Variants in THNSL1 observed in about 807,000 individuals in gnomAD.
The protein encoded by THNSL1 is threonine synthase-like 1.
Under a neutral mutation model 50.4 loss-of-function variants are expected in THNSL1, and 48 were observed. The ratio of observed to expected loss-of-function variants is 0.95; its 90% CI spans 0.76 to 1.21. The LOEUF is 1.21. THNSL1 is among the 50% of genes most tolerant of loss of function. The pLI is 0.00. For synonymous variants in THNSL1, 309 were observed against 306.1 expected, an observed-to-expected ratio of 1.01 and a Z score of -0.10; for missense variants, 896 against 871.7, an observed-to-expected ratio of 1.03 and a Z score of -0.35.
rs773562732 is a variant in THNSL1 at position 25,023,986 on chromosome 10, G to A, written c.763G>A (p.Val255Ile). ...TTCAGCAAAATTCTTTAGTGAAGCT[G>A]TAATTGAGGGGTTGGCTTCTGATGG... Reference protein sequence around the residue: ...KVSAKFFSEAVIEGLASDGGL... With the variant: ...KVSAKFFSEAIIEGLASDGGL... Residue 255 changes from valine (V) to isoleucine (I), a missense_variant, in exon 3 of 3, where the codon GTA (valine) becomes ATA (isoleucine). Physicochemically the swap from Val to Ile is conservative, Grantham distance 29 (BLOSUM62 3). Transcript: ENST00000376356. 10 of 1,614,222 alleles carry A rather than the reference G, an allele frequency of 6.2e-6. No homozygotes were observed. In the South Asian group the frequency reaches 7.7e-5, roughly 12 times the overall value.
chr10:24,985,878 G>A, the THNSL1 span, among the ~76,000 whole-genome samples: 4 of 152,096 alleles, frequency 2.6e-5, no homozygotes, highest in Non-Finnish European at 5.9e-5. Context: ...GACCAGTGTG[G>A]GCAACATGGC....
intron 1 of THNSL1, among the ~76,000 whole-genome samples, chr10:25,020,016 A>G (rs1457064339): frequency 1.3e-5 from 2 of 152,194 alleles, no homozygotes; most frequent in East Asian, 3.9e-4. Flanking sequence ...TCTTTTCCTC[A>G]TTTGGTTGGT....
the THNSL1 span, among the ~76,000 whole-genome samples, chr10:24,963,299 T>C: frequency 6.6e-6 from 1 of 152,236 alleles, no homozygotes; most frequent in Admixed American, 6.5e-5. Context: ...CATATTACCT[T>C]TTGTATTCTG....
At chr10:25,006,833 T>C in the THNSL1 span, among the ~76,000 whole-genome samples, 1 of 152,220 alleles carries the variant, frequency 6.6e-6, no homozygotes, top group African/African-American at 2.4e-5. Context: ...GATTTGTGTC[T>C]CGATCTCAGC....
At chr10:24,999,526 G>T in the THNSL1 span, 1 of 1,609,292 alleles carries the variant, frequency 6.2e-7, no homozygotes, top group African/African-American at 1.3e-5. Flanking sequence ...TTTTACAGTT[G>T]CCTTAAAAAT....
the THNSL1 span, among the ~76,000 whole-genome samples, chr10:24,975,873 T>C: frequency 6.6e-6 from 1 of 152,224 alleles, no homozygotes; most frequent in African/African-American, 2.4e-5. Flanking sequence ...CAGAATCCTA[T>C]GAAAGATAAG....
the THNSL1 span, among the ~76,000 whole-genome samples, chr10:24,971,013 G>A: frequency 6.6e-6 from 1 of 152,194 alleles, no homozygotes; most frequent in African/African-American, 2.4e-5. Flanking sequence ...GACAGAGTGA[G>A]GCTCTGTCTC....
the THNSL1 span, among the ~76,000 whole-genome samples, chr10:24,967,833 T>G: frequency 6.6e-6 from 1 of 151,958 alleles, no homozygotes; most frequent in Admixed American, 6.6e-5. Context: ...ATATGATGTG[T>G]GTATGTCTGT....
chr10:24,962,853 A>G, the THNSL1 span, among the ~76,000 whole-genome samples: 1 of 152,214 alleles, frequency 6.6e-6, no homozygotes, highest in South Asian at 2.1e-4. Flanking sequence ...GGCTTGAGAA[A>G]GAACTTTCAG....
the THNSL1 span, among the ~76,000 whole-genome samples, chr10:25,006,777 C>A: frequency 6.6e-6 from 1 of 152,114 alleles, no homozygotes; most frequent in African/African-American, 2.4e-5. Flanking sequence ...CTGTCTCAGG[C>A]TAAAAGAACT....
At chr10:24,970,977 A>G in the THNSL1 span, among the ~76,000 whole-genome samples, 1 of 150,598 alleles carries the variant, frequency 6.6e-6, no homozygotes, top group Non-Finnish European at 1.5e-5. Context: ...TGAGCTGAGA[A>G]CATGCCACTG....
At chr10:24,955,497 A>G in the THNSL1 span, among the ~76,000 whole-genome samples, 30 of 152,348 alleles carry the variant, frequency 2.0e-4, no homozygotes, top group African/African-American at 6.7e-4. Context: ...TCTCTACTGC[A>G]TATGATGATG....
intron 1 of THNSL1, among the ~76,000 whole-genome samples, chr10:25,017,773 C>A (rs1588670170): frequency 2.0e-5 from 3 of 152,074 alleles, no homozygotes; most frequent in African/African-American, 7.2e-5. Context: ...AAATCTATAT[C>A]ACTTTGCCCC....
rs755011083 is a variant in THNSL1 at position 25,024,657 on chromosome 10, G to A, written c.1434G>A (p.Pro478=). The change falls in exon 3 of 3, where the codon CCG becomes CCA. Residue 478 remains proline, a synonymous_variant. Coordinates refer to ENST00000376356, the MANE Select transcript of THNSL1 (RefSeq NM_024838.5). ...CCATAAACTGGGGCCGACTACTTCC[G>A]CAGGTAGTTTATCATGCTTCCGCAT... ...ANSINWGRLL[P]QVVYHASAYL... 1.5e-5 allele frequency: 25 copies of A among 1,614,076 alleles called. No homozygotes were observed. Among genetic ancestry groups the A allele is most frequent in the Admixed American group, 1.0e-4 (6 of 60,004 alleles).
chr10:25,011,630 C>G (rs1850446477), upstream of THNSL1, among the ~76,000 whole-genome samples: 1 of 152,074 alleles, frequency 6.6e-6, no homozygotes, highest in Admixed American at 6.5e-5. Context: ...CATAAAGACC[C>G]TAGAAGAAAA....
chr10:24,967,262 G>T, the THNSL1 span, among the ~76,000 whole-genome samples: 1 of 152,030 alleles, frequency 6.6e-6, no homozygotes, highest in Non-Finnish European at 1.5e-5. Context: ...GATCCAGCTG[G>T]TCCAGACTGC....
At chr10:25,009,629 C>T in the THNSL1 span, among the ~76,000 whole-genome samples, 1 of 152,120 alleles carries the variant, frequency 6.6e-6, no homozygotes, top group Non-Finnish European at 1.5e-5. Context: ...TATGGTTTTG[C>T]TGTGTCCCCA....
At chr10:24,999,977 C>CT in the THNSL1 span, among the ~76,000 whole-genome samples, 27 of 152,038 alleles carry the variant, frequency 1.8e-4, 1 homozygote, top group Non-Finnish European at 2.6e-4. Flanking sequence ...CTGTGCTTAT[C>CT]TTTATTATTT....
At chr10:24,956,279 T>C in the THNSL1 span, among the ~76,000 whole-genome samples, 72,485 of 151,708 alleles carry the variant, frequency 0.48, 18,539 homozygotes, top group African/African-American at 0.67. Context: ...TTTTGATCCT[T>C]ACCCTCCTCC....
Sources: allele counts gnomAD v4.1 joint callset (sites outside exome capture counted in the v4.1 genomes callset), GRCh38; gene constraint gnomAD v4.1.1; transcripts MANE v1.5; gene names NCBI Gene and HGNC (gene_info 2026-07-23, HGNC 2026-07-21).